PKD1L1: variants seen among roughly 807,000 people sequenced by gnomAD.
PKD1L1 encodes polycystin 1 like 1, transient receptor potential channel interacting.
A neutral mutation model predicts 323.4 loss-of-function variants in PKD1L1; 236 were observed. The ratio of observed to expected loss-of-function variants is 0.73; its 90% CI spans 0.66 to 0.81. The LOEUF (loss-of-function observed/expected upper bound fraction) is 0.81, where lower values mean the gene tolerates loss of function less well. Ranked by LOEUF, PKD1L1 falls within the 40% of genes least tolerant of loss-of-function variation. The probability of loss-of-function intolerance (pLI) is 0.00; values close to 1 mark genes in which losing one functional copy is unlikely to be tolerated. For missense variants in PKD1L1, 3,320 were observed against 3,508.0 expected (o/e 0.95, Z 1.35); for synonymous variants, 1,344 against 1,335.0 (o/e 1.01, Z -0.15).
At chr7:47,957,990 G>A in the PKD1L1 span, among the ~76,000 whole-genome samples, 3 of 151,760 alleles carry the variant, frequency 2.0e-5, no homozygotes, top group Non-Finnish European at 4.4e-5. Flanking sequence ...TTCATGGATT[G>A]AAAGAATTAT....
At position 47,794,320 on chromosome 7, in the gene PKD1L1, G is replaced by A. The variant is rs567403484; in HGVS notation, c.8356-1523C>T. On this transcript the variant is annotated intron_variant, in intron 55 of 56. Coordinates refer to ENST00000289672, the MANE Select transcript of PKD1L1 (RefSeq NM_138295.5). ...TTAGTGGACTGGGCCCAGGTTCCCCGTGCTGTGTGCAGCCTAGAGACTTGG... is the reference window on the plus strand; with the variant it reads ...TTAGTGGACTGGGCCCAGGTTCCCCATGCTGTGTGCAGCCTAGAGACTTGG... Among the ~76,000 whole-genome samples, 346 of 152,258 alleles carry A rather than the reference G, an allele frequency of 2.3e-3. 1 individual carries two copies. Among genetic ancestry groups the A allele is most frequent in the Non-Finnish European group, 4.0e-3 (272 of 68,026 alleles).
At chr7:47,798,059 C>T (rs1051739903) in intron 54 of PKD1L1, among the ~76,000 whole-genome samples, 1 of 152,140 alleles carries the variant, frequency 6.6e-6, no homozygotes, top group African/African-American at 2.4e-5. Context: ...AATCAAAACA[C>T]CAACATGATT....
intron 51 of PKD1L1, 193 bp downstream of exon 51, chr7:47,809,280 A>G (rs2128728669): frequency 7.6e-6 from 4 of 527,784 alleles, no homozygotes; most frequent in South Asian, 4.8e-5. Context: ...CGTGTGGTAC[A>G]TGACGGTAAC....
At chr7:47,914,214 A>G (rs970763938) in intron 8 of PKD1L1, among the ~76,000 whole-genome samples, 14 of 152,370 alleles carry the variant, frequency 9.2e-5, no homozygotes, top group African/African-American at 3.1e-4. Context: ...AGATGAACAT[A>G]CAAAAGAAAG....
At chr7:47,902,640 A>T in intron 12 of PKD1L1, 129 bp from the exon 13 acceptor site, 1 of 1,169,396 alleles carries the variant, frequency 8.6e-7, no homozygotes, top group South Asian at 1.5e-5. Context: ...ATGAATAAGA[A>T]CAGAAGAGTC....
intron 23 of PKD1L1, among the ~76,000 whole-genome samples, chr7:47,875,380 C>G (rs1279638898): frequency 6.6e-6 from 1 of 152,174 alleles, no homozygotes; most frequent in Non-Finnish European, 1.5e-5. Context: ...CTCTAATAAT[C>G]TTACCAGTCC....
intron 56 of PKD1L1, among the ~76,000 whole-genome samples, chr7:47,775,568 G>A (rs1786548601): frequency 6.6e-6 from 1 of 152,054 alleles, no homozygotes; most frequent in Non-Finnish European, 1.5e-5. Context: ...AGGGAAATTA[G>A]AAAGTATTTT....
At chr7:47,873,086 T>G (rs1167689101) in intron 24 of PKD1L1, among the ~76,000 whole-genome samples, 1 of 152,228 alleles carries the variant, frequency 6.6e-6, no homozygotes, top group Non-Finnish European at 1.5e-5. Flanking sequence ...TTATATTATC[T>G]CATTTATATG....
intron 52 of PKD1L1, among the ~76,000 whole-genome samples, chr7:47,805,118 C>T (rs927259529): frequency 4.8e-5 from 7 of 145,852 alleles, no homozygotes; most frequent in African/African-American, 1.5e-4. Context: ...CACACACACA[C>T]ACATTCAAAT....
chr7:47,774,966 A>T lies in PKD1L1; in HGVS notation c.*177T>A. ...TATGAGTAACAGTCTGATGACAGAT[A>T]AACCTTGATTTTCATCCTGGTTTCC... is the stretch of plus-strand genomic sequence containing the variant. On this transcript the variant is annotated 3_prime_UTR_variant, in exon 57 of 57. Coordinates refer to ENST00000289672, the MANE Select transcript of PKD1L1 (RefSeq NM_138295.5). 1.5e-6 allele frequency: 1 copy of T among 688,098 alleles called. No homozygotes were observed. The highest frequency in any genetic ancestry group is 2.6e-6 in the Non-Finnish European group (1 of 387,512). 42.6% of individuals were successfully genotyped at this position (688,098 alleles called of 1,614,324 possible).
At chr7:47,955,067 A>G in the PKD1L1 span, among the ~76,000 whole-genome samples, 2 of 152,314 alleles carry the variant, frequency 1.3e-5, no homozygotes, top group African/African-American at 4.8e-5. Context: ...CTTTTAGCCT[A>G]CAACTTAATA....
chr7:47,887,362 G>A (rs1786707575), intron 17 of PKD1L1, among the ~76,000 whole-genome samples: 1 of 152,204 alleles, frequency 6.6e-6, no homozygotes, highest in Non-Finnish European at 1.5e-5. Flanking sequence ...CCACCTCTCT[G>A]ATCACAAATA....
intron 45 of PKD1L1, among the ~76,000 whole-genome samples, chr7:47,825,247 A>T (rs185640451): frequency 6.7e-6 from 1 of 150,214 alleles, no homozygotes. Flanking sequence ...CTGGTCCTTT[A>T]GGCCAGGTGT....
At position 47,877,531 on chromosome 7, in the gene PKD1L1, T is replaced by C; in HGVS notation, c.3621A>G (p.Glu1207=). The C allele has an allele frequency of 6.2e-7, 1 of 1,613,992 alleles. No homozygotes were observed. Among genetic ancestry groups the C allele is most frequent in the Non-Finnish European group, 8.5e-7 (1 of 1,179,930 alleles). Residue 1207 remains glutamate, a synonymous_variant, in exon 22 of 57, where the codon GAA becomes GAG. Transcript: ENST00000289672. ...AGAAGACACTGAAGACGGTGTGTGC[T>C]TCCAGACCATGGTGGGGCTGCACCT... ...ACQVQPHHGL[E]AHTVFSVFCM... is the part of the protein sequence containing the mutation.
At chr7:47,868,040 T>C (rs1312207170) in intron 24 of PKD1L1, among the ~76,000 whole-genome samples, 1 of 152,242 alleles carries the variant, frequency 6.6e-6, no homozygotes, top group African/African-American at 2.4e-5. Context: ...AGAGCTGTAC[T>C]GTTGGGCCCA....
intron 56 of PKD1L1, among the ~76,000 whole-genome samples, chr7:47,789,469 T>A (rs4724644): frequency 6.6e-6 from 1 of 152,046 alleles, no homozygotes; most frequent in South Asian, 2.1e-4. Flanking sequence ...GTAAAAAGAT[T>A]CATCTCTTGG....
At position 47,789,242 on chromosome 7, in the gene PKD1L1, T is replaced by C. The variant is rs118092883; in HGVS notation, c.8526+3385A>G. Among the ~76,000 whole-genome samples, 5 of 152,358 alleles carry C rather than the reference T, an allele frequency of 3.3e-5. No homozygotes were observed. In the East Asian group the frequency reaches 7.7e-4, roughly 24 times the overall value. ...TCTGGGACTGGTGCTTTTGGAGGGATAGAACTTCAAATACTGTTTCAGATT... is the reference window on the plus strand; with the variant it reads ...TCTGGGACTGGTGCTTTTGGAGGGACAGAACTTCAAATACTGTTTCAGATT... On this transcript the variant is annotated intron_variant, in intron 56 of 56. Coordinates refer to ENST00000289672, the MANE Select transcript of PKD1L1 (RefSeq NM_138295.5).
chr7:47,856,038 A>T (rs62448558), intron 28 of PKD1L1, among the ~76,000 whole-genome samples: 30,239 of 151,762 alleles, frequency 0.2, 3,284 homozygotes, highest in Non-Finnish European at 0.23. Context: ...GTCTATATGT[A>T]TATCTATATA....
At chr7:47,893,783 T>G in intron 15 of PKD1L1, 95 bp downstream of exon 15, 1 of 1,314,694 alleles carries the variant, frequency 7.6e-7, no homozygotes, top group Non-Finnish European at 1.0e-6. Context: ...TGCTTAAAAT[T>G]TAAAACTATT....
Sources: gnomAD v4.1 joint callset for allele counts (sites outside exome capture counted in the v4.1 genomes callset) on GRCh38, gnomAD v4.1.1 for gene constraint, MANE v1.5 for transcripts, NCBI Gene and HGNC (gene_info 2026-07-23, HGNC 2026-07-21) for gene names.